The following USP22 variants were observed in gnomAD, a reference collection of about 807,000 sequenced individuals.
USP22 encodes ubiquitin carboxyl-terminal hydrolase 22.
In USP22, 22 loss-of-function variants were observed where a neutral mutation model predicts 68.1. The ratio of observed to expected loss-of-function variants is 0.32; its 90% CI spans 0.23 to 0.46. The LOEUF (loss-of-function observed/expected upper bound fraction) is 0.46. USP22 is among the 20% of genes least tolerant of loss of function. The pLI is 1.00. For synonymous variants in USP22, 279 were observed against 274.2 expected (o/e 1.02, Z -0.17); for missense variants, 433 against 695.8 (o/e 0.62, Z 4.25).
intron 1 of USP22, chr17:21,042,381 A>C: frequency 9.0e-6 from 1 of 110,804 alleles, no homozygotes; most frequent in Non-Finnish European, 1.6e-5. Flanking sequence ...GACAGAGAGG[A>C]GGGGGAGGGG....
intron 7 of USP22, chr17:21,011,513 G>A (rs1223256037): frequency 3.3e-6 from 2 of 603,624 alleles, no homozygotes; most frequent in Non-Finnish European, 5.6e-6. Flanking sequence ...GGAGGGGTGT[G>A]TGTGAACTCG....
intron 7 of USP22, 45 bp downstream of exon 7, chr17:21,012,785 G>A (rs1160208311): frequency 2.1e-5 from 33 of 1,549,576 alleles, no homozygotes; most frequent in Non-Finnish European, 2.8e-5. Context: ...TGTCAGTACG[G>A]CCCCAGAGGG....
chr17:21,012,325 A>C (rs545354815), intron 7 of USP22, among the ~76,000 whole-genome samples: 1 of 152,268 alleles, frequency 6.6e-6, no homozygotes, highest in East Asian at 1.9e-4. Context: ...GGGTCCCCTG[A>C]CCTAACAAAG....
chr17:21,008,019 G>C, intron 8 of USP22, 23 bp from the exon 9 acceptor site: 1 of 1,612,370 alleles, frequency 6.2e-7, no homozygotes, highest in Non-Finnish European at 8.5e-7. Context: ...AAAAAAGACA[G>C]GAGCGGTAAG....
chr17:21,011,308 C>T lies in USP22; in HGVS notation c.946G>A (p.Gly316Arg). The T allele has an allele frequency of 6.4e-7, 1 of 1,555,000 alleles. No individual in the cohort carries two copies. The highest frequency in any genetic ancestry group is 8.7e-7 in the Non-Finnish European group (1 of 1,148,746). The change falls in exon 8 of 13, where the codon GGA becomes AGA. Residue 316 changes from glycine to arginine, a missense_variant and splice_region_variant. Around this residue, in one of 4 missense-constraint regions of USP22, gnomAD observed 178 missense variants for 351.5 expected, o/e 0.51. Transcript: ENST00000261497. ...AAGGGGTCGATGGTGGTGGAGACTC[C>T]ACTGGAAGCAGAGGGAAAACAATGG... ...QSDVTCQVCH[G>R]VSTTIDPFWD...
chr17:21,018,930 C>T (rs565484638), intron 4 of USP22, among the ~76,000 whole-genome samples, 154 bp downstream of exon 4: 3 of 152,224 alleles, frequency 2.0e-5, no homozygotes, highest in Non-Finnish European at 4.4e-5. Context: ...CTGCAGAGAA[C>T]AGGTGCTCAA....
rs1317075926 is a variant in USP22 at position 21,042,581 on chromosome 17, G to A, written c.171+84C>T. 6.2e-5 allele frequency: 76 copies of A among 1,227,260 alleles called. 1 individual carries two copies. The East Asian group carries it at 1.9e-3, about 30-fold the overall frequency. The allele number at this position is 1,227,260 out of a possible 1,614,324, so 76.0% of individuals were successfully genotyped here. On this transcript the variant is annotated intron_variant, in intron 1 of 12. Coordinates refer to ENST00000261497, the MANE Select transcript of USP22 (RefSeq NM_015276.2). ...GAAAGGCAACGGGGGAAGGGAAGAGGGCAGGAAAAGGGCCCCTCCGCCGGC... is the reference window on the plus strand; with the variant it reads ...GAAAGGCAACGGGGGAAGGGAAGAGAGCAGGAAAAGGGCCCCTCCGCCGGC...
chr17:21,022,782 G>C (rs1318738448), intron 2 of USP22, among the ~76,000 whole-genome samples: 1 of 141,316 alleles, frequency 7.1e-6, no homozygotes, highest in African/African-American at 2.6e-5. Context: ...CTGGGCAACA[G>C]AGCGAGACTC....
intron 1 of USP22, among the ~76,000 whole-genome samples, chr17:21,040,065 C>T (rs1163128157): frequency 1.3e-5 from 2 of 152,130 alleles, no homozygotes; most frequent in Non-Finnish European, 2.9e-5. Flanking sequence ...TGACACACGC[C>T]CGTAGTCCCA....
At chr17:21,035,827 G>C (rs891706440) in intron 1 of USP22, among the ~76,000 whole-genome samples, 1 of 151,804 alleles carries the variant, frequency 6.6e-6, no homozygotes, top group African/African-American at 2.4e-5. Flanking sequence ...TCAGGAGATC[G>C]AGACCATCCT....
chr17:21,034,242 G>A (rs992212927), intron 1 of USP22, among the ~76,000 whole-genome samples: 1 of 151,970 alleles, frequency 6.6e-6, no homozygotes, highest in African/African-American at 2.4e-5. Context: ...TTACAGAAGG[G>A]GTAATTTCAT....
chr17:21,041,017 T>C (rs560940763), intron 1 of USP22, among the ~76,000 whole-genome samples: 1 of 151,886 alleles, frequency 6.6e-6, no homozygotes, highest in Non-Finnish European at 1.5e-5. Flanking sequence ...CTGGAGTAGC[T>C]GGGATTACAG....
At position 21,001,142 on chromosome 17, in the gene USP22, C is replaced by G. The variant is rs1235182469; in HGVS notation, c.*1889G>C. The G allele has an allele frequency of 6.6e-6, 1 of 151,924 alleles. No homozygotes were observed. Among genetic ancestry groups the G allele is most frequent in the African/African-American group, 2.4e-5 (1 of 41,388 alleles). The allele number at this position is 151,924 out of a possible 1,614,324, so 9.4% of individuals were successfully genotyped here. On this transcript the variant is annotated 3_prime_UTR_variant, in exon 13 of 13. Coordinates refer to ENST00000261497, the MANE Select transcript of USP22 (RefSeq NM_015276.2). The stretch of plus-strand genomic sequence containing the variant: ...GTCACATGGGACCATTTCTGAAAAT[C>G]TCGGCCCATCTCTGTTTCTCTGGTA...
At chr17:21,041,727 T>A (rs957436134) in intron 1 of USP22, among the ~76,000 whole-genome samples, 1 of 152,246 alleles carries the variant, frequency 6.6e-6, no homozygotes, top group African/African-American at 2.4e-5. Context: ...AATCTCGGAT[T>A]GTAATCTACA....
At chr17:21,028,458 G>A (rs1312522502) in intron 2 of USP22, 84 bp downstream of exon 2, 5 of 1,564,476 alleles carry the variant, frequency 3.2e-6, no homozygotes, top group Non-Finnish European at 4.3e-6. Flanking sequence ...TGGACTTTTG[G>A]AAGAGTGGAA....
chr17:21,026,848 C>A (rs1021562648), intron 2 of USP22, among the ~76,000 whole-genome samples: 2 of 149,748 alleles, frequency 1.3e-5, no homozygotes, highest in Non-Finnish European at 3.0e-5. Context: ...GTTGTCCAGG[C>A]TGGAGTGCAG....
intron 11 of USP22, 152 bp from the exon 12 acceptor site, chr17:21,004,503 C>G: frequency 9.9e-7 from 1 of 1,008,488 alleles, no homozygotes. Context: ...CAGGAGGCTG[C>G]AGGAACTAAG....
intron 2 of USP22, among the ~76,000 whole-genome samples, chr17:21,027,739 C>T (rs1381604069): frequency 6.6e-6 from 1 of 152,156 alleles, no homozygotes; most frequent in East Asian, 1.9e-4. Flanking sequence ...GAGGCCAAGG[C>T]AGGAGGATCA....
chr17:21,042,640 C>T (rs531621343), intron 1 of USP22, 25 bp downstream of exon 1: 3 of 1,260,182 alleles, frequency 2.4e-6, no homozygotes, highest in African/African-American at 3.1e-5. Context: ...CCCGAGCCCG[C>T]CGCGCGGTGG....
Sources: gnomAD v4.1 joint callset for allele counts (sites outside exome capture counted in the v4.1 genomes callset) on GRCh38, gnomAD v4.1.1 for gene constraint, gnomAD v4.1.1 regional missense constraint, MANE v1.5 for transcripts, NCBI Gene and HGNC (gene_info 2026-07-23, HGNC 2026-07-21) for gene names.